The following TAFA1 variants were observed in gnomAD, a reference collection of about 807,000 sequenced individuals.
TAFA1 encodes the protein chemokine-like protein TAFA-1.
TAFA1 carries 4 observed loss-of-function variants against 18.5 expected under a neutral mutation model. The observed-to-expected ratio is 0.22, with a 90% CI of 0.11 to 0.49. The LOEUF (loss-of-function observed/expected upper bound fraction) is 0.49. Among genes scored for constraint, TAFA1 ranks in the 20% least tolerant of loss-of-function variants. The pLI, the probability that TAFA1 is intolerant of heterozygous loss-of-function variation, is 0.98. For missense variants in TAFA1, 147 were observed against 169.0 expected (o/e 0.87, Z 0.72); for synonymous variants, 56 against 55.2 (o/e 1.01, Z -0.06).
chr3:68,539,477 A>G (rs920423262), intron 4 of TAFA1, among the ~76,000 whole-genome samples: 2 of 151,976 alleles, frequency 1.3e-5, no homozygotes, highest in Non-Finnish European at 2.9e-5. Flanking sequence ...CCAGCTAGCT[A>G]GATATTAACC....
intron 3 of TAFA1, among the ~76,000 whole-genome samples, chr3:68,522,436 A>G (rs1486477561): frequency 6.6e-6 from 1 of 152,160 alleles, no homozygotes; most frequent in Non-Finnish European, 1.5e-5. Flanking sequence ...AGGTTCGGGG[A>G]GCTAGATGGC....
At chr3:68,504,367 G>C (rs1511903) in intron 3 of TAFA1, among the ~76,000 whole-genome samples, 30,875 of 152,100 alleles carry the variant, frequency 0.2, 3,236 homozygotes, top group Middle Eastern at 0.24. Context: ...AGAGCAAGCA[G>C]TATGCATTTG....
Position 68,052,363 on chromosome 3 carries a change from A to T in TAFA1, c.118+45619A>T, listed in dbSNP as rs1466811301. 3.3e-5 allele frequency among the ~76,000 whole-genome samples: 5 copies of T among 152,100 alleles called. No individual in the cohort carries two copies. The East Asian group carries it at 9.7e-4, about 29-fold the overall frequency. On this transcript the variant is annotated intron_variant, in intron 2 of 4. Coordinates refer to ENST00000478136, the MANE Select transcript of TAFA1 (RefSeq NM_213609.4). Reference sequence around the variant, plus strand: ...GCACTCTTTTTTGTTTTGGTACTCAAATTTCACCTAGATATCCCCAGGTTC... The same window carrying T: ...GCACTCTTTTTTGTTTTGGTACTCATATTTCACCTAGATATCCCCAGGTTC...
intron 2 of TAFA1, among the ~76,000 whole-genome samples, chr3:68,294,276 A>G (rs563802994): frequency 6.6e-6 from 1 of 152,350 alleles, no homozygotes; most frequent in South Asian, 2.1e-4. Context: ...ATTTTCATGT[A>G]GCCACATTTT....
At chr3:68,243,461 C>T (rs1208784234) in intron 2 of TAFA1, among the ~76,000 whole-genome samples, 1 of 152,154 alleles carries the variant, frequency 6.6e-6, no homozygotes, top group South Asian at 2.1e-4. Context: ...ATAGCCATAC[C>T]TACACCTCCT....
At chr3:68,100,814 A>G (rs778593374) in intron 2 of TAFA1, among the ~76,000 whole-genome samples, 5 of 152,140 alleles carry the variant, frequency 3.3e-5, no homozygotes, top group Admixed American at 2.0e-4. Flanking sequence ...CCAGCCTAGG[A>G]AATGATGTAG....
intron 2 of TAFA1, among the ~76,000 whole-genome samples, chr3:68,407,213 T>G (rs1342108565): frequency 6.6e-6 from 1 of 152,212 alleles, no homozygotes; most frequent in African/African-American, 2.4e-5. Context: ...GATGATAATT[T>G]CAATAGTATT....
intron 2 of TAFA1, among the ~76,000 whole-genome samples, chr3:68,352,203 G>T (rs1235722730): frequency 6.6e-6 from 1 of 151,894 alleles, no homozygotes; most frequent in East Asian, 1.9e-4. Flanking sequence ...AGGAAATACA[G>T]TTTCTCCTCA....
At chr3:68,067,263 C>G (rs1279500661) in intron 2 of TAFA1, among the ~76,000 whole-genome samples, 1 of 152,098 alleles carries the variant, frequency 6.6e-6, no homozygotes, top group Non-Finnish European at 1.5e-5. Flanking sequence ...TTTAATTGTC[C>G]CAGAGCATTT....
intron 2 of TAFA1, among the ~76,000 whole-genome samples, chr3:68,234,261 A>T (rs1335798786): frequency 2.6e-5 from 4 of 152,184 alleles, no homozygotes; most frequent in Admixed American, 2.6e-4. Flanking sequence ...AAGAAGCTAG[A>T]TACTGACTTC....
chr3:68,005,021 T>C (rs1237391867), intron 1 of TAFA1, among the ~76,000 whole-genome samples: 1 of 152,166 alleles, frequency 6.6e-6, no homozygotes, highest in East Asian at 1.9e-4. Flanking sequence ...TAAGTTTTGG[T>C]TGTGGCAGGA....
At chr3:68,067,683 C>T (rs559182475) in intron 2 of TAFA1, among the ~76,000 whole-genome samples, 11 of 152,236 alleles carry the variant, frequency 7.2e-5, no homozygotes, top group South Asian at 2.1e-4. Flanking sequence ...TATGACCATC[C>T]GGTAGCCAAC....
intron 2 of TAFA1, among the ~76,000 whole-genome samples, chr3:68,398,885 T>G (rs1051789246): frequency 1.3e-5 from 2 of 152,194 alleles, no homozygotes; most frequent in Non-Finnish European, 2.9e-5. Context: ...ACAACTTATC[T>G]AAAGGAATAA....
chr3:68,373,396 G>C (rs1211195584), intron 2 of TAFA1, among the ~76,000 whole-genome samples: 1 of 152,136 alleles, frequency 6.6e-6, no homozygotes, highest in Non-Finnish European at 1.5e-5. Flanking sequence ...GCAAAAGTGA[G>C]ATTTGAACAT....
chr3:68,311,170 A>C (rs748677282), intron 2 of TAFA1, among the ~76,000 whole-genome samples: 23 of 151,772 alleles, frequency 1.5e-4, no homozygotes, highest in Non-Finnish European at 2.6e-4. Flanking sequence ...GGAGAGACCT[A>C]CTCCCCACTG....
intron 2 of TAFA1, among the ~76,000 whole-genome samples, chr3:68,059,270 G>A (rs1559720846): frequency 6.7e-6 from 1 of 149,744 alleles, no homozygotes; most frequent in African/African-American, 2.4e-5. Flanking sequence ...ACACACGCAT[G>A]CACACACACA....
intron 2 of TAFA1, among the ~76,000 whole-genome samples, chr3:68,155,430 T>G (rs1365321913): frequency 6.6e-6 from 1 of 152,182 alleles, no homozygotes; most frequent in Non-Finnish European, 1.5e-5. Context: ...ATTAATATCA[T>G]CCCTAACTTA....
At chr3:68,013,468 C>T (rs1704511483) in intron 2 of TAFA1, among the ~76,000 whole-genome samples, 2 of 152,048 alleles carry the variant, frequency 1.3e-5, no homozygotes, top group Middle Eastern at 3.4e-3. Context: ...AAATTAAATC[C>T]CTAAGGTTTT....
intron 2 of TAFA1, among the ~76,000 whole-genome samples, chr3:68,032,138 A>G (rs1444920595): frequency 6.6e-6 from 1 of 152,066 alleles, no homozygotes; most frequent in Non-Finnish European, 1.5e-5. Context: ...CTGATCTTTG[A>G]GAACAAAGTA....
Sources: gnomAD v4.1 joint callset for allele counts (sites outside exome capture counted in the v4.1 genomes callset) on GRCh38, gnomAD v4.1.1 for gene constraint, MANE v1.5 for transcripts, NCBI Gene and HGNC (gene_info 2026-07-23, HGNC 2026-07-21) for gene names.